Variants in SDK1 observed in about 807,000 individuals in gnomAD.
SDK1 encodes the protein sidekick cell adhesion molecule 1, also known as protein sidekick-1.
In SDK1, 157 loss-of-function variants were observed where a neutral mutation model predicts 245.5. The ratio of observed to expected loss-of-function variants is 0.64; its 90% CI spans 0.56 to 0.73. The LOEUF is 0.73. Among genes scored for constraint, SDK1 ranks in the 30% least tolerant of loss-of-function variants. The pLI is 0.00. For synonymous variants in SDK1, 1,647 were observed against 1,278.5 expected, an observed-to-expected ratio of 1.29 and a Z score of -6.15; for missense variants, 3,583 against 3,002.3, an observed-to-expected ratio of 1.19 and a Z score of -4.52.
chr7:3,538,198 C>A lies in SDK1; in HGVS notation c.299-80882C>A, dbSNP rs3946225. On this transcript the variant is annotated intron_variant, in intron 1 of 44. Coordinates refer to ENST00000404826, the MANE Select transcript of SDK1 (RefSeq NM_152744.4). The stretch of plus-strand genomic sequence containing the variant: ...GGGGCAGATTTTGTGTTGGCAATTA[C>A]ATTGGCCATTTGTTTGTCCCATTGC... Among the ~76,000 whole-genome samples, 383 of 152,266 alleles carry A rather than the reference C, an allele frequency of 2.5e-3. 4 individuals are homozygous for A. Among genetic ancestry groups the A allele is most frequent in the African/African-American group, 9.0e-3 (374 of 41,540 alleles).
intron 1 of SDK1, among the ~76,000 whole-genome samples, chr7:3,611,623 A>C (rs1371691112): frequency 6.6e-6 from 1 of 152,160 alleles, no homozygotes; most frequent in Admixed American, 6.5e-5. Context: ...GAATCTTCAC[A>C]CTGTTTTCCA....
At chr7:3,781,510 C>G (rs1332280430) in intron 4 of SDK1, among the ~76,000 whole-genome samples, 22 of 152,124 alleles carry the variant, frequency 1.4e-4, no homozygotes. Context: ...ACAAGGATTA[C>G]AATGACTCAA....
At position 4,210,248 on chromosome 7, in the gene SDK1, G is replaced by A. The variant is rs188621383; in HGVS notation, c.5539+86G>A. 3.8e-5 allele frequency: 48 copies of A among 1,262,342 alleles called. No homozygotes were observed. The Admixed American group carries it at 4.6e-4, about 12-fold the overall frequency. 78.2% of individuals were successfully genotyped at this position (1,262,342 alleles called of 1,614,324 possible). On this transcript the variant is annotated intron_variant, in intron 38 of 44. Transcript: ENST00000404826. ...TCTACACAGTGAGCCGCACCTGACCGCTTCTGTGGGCCAGGAGCCTTCTGG... is the reference window on the plus strand; with the variant it reads ...TCTACACAGTGAGCCGCACCTGACCACTTCTGTGGGCCAGGAGCCTTCTGG...
At chr7:4,046,473 G>C (rs1299944632) in intron 17 of SDK1, among the ~76,000 whole-genome samples, 1 of 152,080 alleles carries the variant, frequency 6.6e-6, no homozygotes, top group Non-Finnish European at 1.5e-5. Context: ...TTTGAGTTAG[G>C]TTTTATAAAT....
Position 4,003,569 on chromosome 7 carries a change from C to G in SDK1, c.2132-7397C>G, listed in dbSNP as rs181208933. On this transcript the variant is annotated intron_variant, in intron 14 of 44. Coordinates refer to ENST00000404826, the MANE Select transcript of SDK1 (RefSeq NM_152744.4). ...GATTTGTCTGATGTTCTTCTCTTAGCTAGACCAGGATTATGGGGCTTTGGG... is the reference window on the plus strand; with the variant it reads ...GATTTGTCTGATGTTCTTCTCTTAGGTAGACCAGGATTATGGGGCTTTGGG... Among the ~76,000 whole-genome samples the G allele has an allele frequency of 1.7e-4, 26 of 152,332 alleles. No individual in the cohort carries two copies. In the East Asian group the frequency reaches 5.0e-3, roughly 29 times the overall value.
rs148678989 is a variant in SDK1, at chr7:3,890,337, C to A, written c.848-60586C>A. On this transcript the variant is annotated intron_variant, in intron 5 of 44. Transcript: ENST00000404826. ...TATGTGTGAAATACACAGCAGATTGCGAAGACTTTGTGCCGGGAAAAATGT... is the reference window on the plus strand; with the variant it reads ...TATGTGTGAAATACACAGCAGATTGAGAAGACTTTGTGCCGGGAAAAATGT... Among the ~76,000 whole-genome samples, 7 of 152,242 alleles carry A rather than the reference C, an allele frequency of 4.6e-5. No individual in the cohort carries two copies. In the East Asian group the frequency reaches 1.3e-3, roughly 29 times the overall value.
intron 1 of SDK1, among the ~76,000 whole-genome samples, chr7:3,484,138 C>G (rs954379312): frequency 1.3e-5 from 2 of 152,122 alleles, no homozygotes; most frequent in Admixed American, 1.3e-4. Flanking sequence ...CCAGGGTCCC[C>G]TGTATAACCA....
At chr7:3,688,231 C>G (rs757801129) in intron 4 of SDK1, among the ~76,000 whole-genome samples, 1 of 152,156 alleles carries the variant, frequency 6.6e-6, no homozygotes, top group African/African-American at 2.4e-5. Flanking sequence ...TGTTACAAGC[C>G]TGTCTGAAGT....
chr7:3,506,905 C>T (rs550342004), intron 1 of SDK1, among the ~76,000 whole-genome samples: 1 of 151,846 alleles, frequency 6.6e-6, no homozygotes, highest in African/African-American at 2.4e-5. Context: ...TCATCTCTAT[C>T]ATTGCTATAT....
intron 1 of SDK1, among the ~76,000 whole-genome samples, chr7:3,616,372 A>G (rs1191871834): frequency 6.6e-6 from 1 of 152,194 alleles, no homozygotes; most frequent in African/African-American, 2.4e-5. Context: ...CCCTGCCTGC[A>G]AGGCCCTGCA....
intron 1 of SDK1, among the ~76,000 whole-genome samples, chr7:3,350,028 A>G (rs1044976980): frequency 6.6e-6 from 1 of 152,176 alleles, no homozygotes. Flanking sequence ...TGTGCCTCTC[A>G]CATTTATGCC....
intron 4 of SDK1, among the ~76,000 whole-genome samples, chr7:3,673,565 C>T (rs1040707645): frequency 1.3e-5 from 2 of 152,218 alleles, no homozygotes; most frequent in Admixed American, 6.5e-5. Flanking sequence ...AGTTTATTAA[C>T]ATTCACTGTG....
At chr7:3,451,673 C>A (rs560716061) in intron 1 of SDK1, among the ~76,000 whole-genome samples, 1 of 152,254 alleles carries the variant, frequency 6.6e-6, no homozygotes, top group South Asian at 2.1e-4. Context: ...AAGCTACAGC[C>A]AATATTTGAT....
intron 5 of SDK1, among the ~76,000 whole-genome samples, chr7:3,868,286 C>G (rs1349691001): frequency 6.6e-6 from 1 of 152,144 alleles, no homozygotes; most frequent in Admixed American, 6.5e-5. Flanking sequence ...TAGTTTATTC[C>G]AATGATTGGT....
chr7:3,400,198 G>C (rs1407959657), intron 1 of SDK1, among the ~76,000 whole-genome samples: 2 of 152,100 alleles, frequency 1.3e-5, no homozygotes, highest in African/African-American at 4.8e-5. Flanking sequence ...TGGAGCTTAG[G>C]AGAGAGGGAT....
rs117523148 is a variant in SDK1 at position 3,650,602 on chromosome 7, G to A, written c.713+8497G>A. ...TGAGATCTTGTTAAACTGTGTTACG[G>A]TATCACAACCAGGATACTGACTTTG... On this transcript the variant is annotated intron_variant, in intron 4 of 44. Transcript: ENST00000404826. 3.6e-3 allele frequency among the ~76,000 whole-genome samples: 552 copies of A among 152,262 alleles called. 1 individual carries two copies. Among genetic ancestry groups the A allele is most frequent in the Non-Finnish European group, 5.7e-3 (391 of 68,020 alleles).
intron 1 of SDK1, among the ~76,000 whole-genome samples, chr7:3,310,438 A>G (rs982435502): frequency 1.3e-5 from 2 of 152,174 alleles, no homozygotes; most frequent in Non-Finnish European, 2.9e-5. Flanking sequence ...GGTGCTGGAG[A>G]TGGAGAGAGG....
At position 3,865,779 on chromosome 7, in the gene SDK1, T is replaced by C. The variant is rs201189223; in HGVS notation, c.847+44196T>C. On this transcript the variant is annotated intron_variant, in intron 5 of 44. Transcript: ENST00000404826. Reference sequence around the variant, plus strand: ...TCCCAAAACGCTGGGATTACAGGCATGAGCCACTATGTCTGGCTTCACCTC... The same window carrying C: ...TCCCAAAACGCTGGGATTACAGGCACGAGCCACTATGTCTGGCTTCACCTC... Among the ~76,000 whole-genome samples, 29 of 152,180 alleles carry C rather than the reference T, an allele frequency of 1.9e-4. No homozygotes were observed. In the East Asian group the frequency reaches 2.5e-3, roughly 13 times the overall value.
chr7:3,410,928 G>C (rs75463364), intron 1 of SDK1, among the ~76,000 whole-genome samples: 3,068 of 152,112 alleles, frequency 0.02, 105 homozygotes, highest in African/African-American at 0.063. Flanking sequence ...ACCTGCCTTT[G>C]TGGAAATAAA....
Sources: gnomAD v4.1 joint callset for allele counts (sites outside exome capture counted in the v4.1 genomes callset) on GRCh38, gnomAD v4.1.1 for gene constraint, MANE v1.5 for transcripts, NCBI Gene and HGNC (gene_info 2026-07-23, HGNC 2026-07-21) for gene names.